Variants in CAST observed in about 807,000 individuals in gnomAD.
CAST encodes calpastatin.
In CAST, 76 loss-of-function variants were observed where a neutral mutation model predicts 119.6. The observed-to-expected ratio is 0.64, with a 90% CI of 0.53 to 0.77. The LOEUF (loss-of-function observed/expected upper bound fraction) is 0.77. Among genes scored for constraint, CAST ranks in the 30% least tolerant of loss-of-function variants. The probability of loss-of-function intolerance (pLI) is 0.00; values close to 1 mark genes in which losing one functional copy is unlikely to be tolerated. For synonymous variants in CAST, 319 were observed against 331.6 expected, an observed-to-expected ratio of 0.96 and a Z score of 0.41; for missense variants, 953 against 946.5, an observed-to-expected ratio of 1.01 and a Z score of -0.09.
At chr5:96,374,823 A>G in the CAST span, among the ~76,000 whole-genome samples, 1 of 152,054 alleles carries the variant, frequency 6.6e-6, no homozygotes, top group Non-Finnish European at 1.5e-5. Context: ...TGGTGGAAGA[A>G]AGGTTCCGGT....
the CAST span, among the ~76,000 whole-genome samples, chr5:95,963,460 TAA>T: frequency 6.6e-6 from 1 of 152,368 alleles, no homozygotes; most frequent in Admixed American, 6.5e-5. Context: ...TTCAATCCAC[TAA>T]GATTGGCTAG....
the CAST span, among the ~76,000 whole-genome samples, chr5:96,112,493 T>C: frequency 2.0e-5 from 3 of 152,234 alleles, no homozygotes; most frequent in African/African-American, 7.2e-5. Flanking sequence ...ATTTGACTTA[T>C]TTAAAGTTAC....
In CAST at chr5:96,762,551, A is replaced by G. The variant is rs1581367019; in HGVS notation, c.1932+179A>G. ...CGAGATGGCAGAGATTAACTTTGAAATGATTAAATGAAACTATATATGTGA... is the reference window on the plus strand; with the variant it reads ...CGAGATGGCAGAGATTAACTTTGAAGTGATTAAATGAAACTATATATGTGA... On this transcript the variant is annotated intron_variant, in intron 25 of 31. Coordinates refer to ENST00000675179, the MANE Select transcript of CAST (RefSeq NM_001750.7). 7.5e-5 allele frequency: 38 copies of G among 503,536 alleles called. No individual in the cohort carries two copies. In the South Asian group the frequency reaches 1.5e-3, roughly 20 times the overall value. 31.2% of individuals were successfully genotyped at this position (503,536 alleles called of 1,614,324 possible). A position where few individuals can be genotyped will look rare whatever the true frequency, so the allele number is the denominator to read the frequency against.
the CAST span, among the ~76,000 whole-genome samples, chr5:96,010,152 G>A: frequency 2.0e-5 from 3 of 152,062 alleles, no homozygotes; most frequent in African/African-American, 4.8e-5. Flanking sequence ...ATTGGTCTAT[G>A]TGTCTGTTTT....
chr5:96,334,585 C>T, the CAST span, among the ~76,000 whole-genome samples: 10 of 152,204 alleles, frequency 6.6e-5, no homozygotes, highest in Admixed American at 2.6e-4. Context: ...GTCACCCCCA[C>T]GGTCCTGTCA....
intron 1 of CAST, chr5:96,663,261 G>C: frequency 2.9e-6 from 2 of 701,116 alleles, no homozygotes; most frequent in South Asian, 3.0e-5. Context: ...CGGATGAAGC[G>C]TTGTCCGGGG....
chr5:96,456,062 C>T, the CAST span, among the ~76,000 whole-genome samples: 15 of 152,064 alleles, frequency 9.9e-5, no homozygotes, highest in African/African-American at 3.6e-4. Context: ...TAAACTTCCC[C>T]TCATTCTCGG....
At chr5:96,406,767 A>C in the CAST span, among the ~76,000 whole-genome samples, 1 of 152,242 alleles carries the variant, frequency 6.6e-6, no homozygotes, top group South Asian at 2.1e-4. Flanking sequence ...GAGAATATGT[A>C]ATTTATTCTA....
chr5:96,421,307 C>A, the CAST span, among the ~76,000 whole-genome samples: 1 of 152,156 alleles, frequency 6.6e-6, no homozygotes, highest in Non-Finnish European at 1.5e-5. Context: ...TTCCTATGGC[C>A]TTATAGCAGC....
chr5:96,412,807 G>T, the CAST span: 2 of 275,298 alleles, frequency 7.3e-6, no homozygotes, highest in Admixed American at 7.5e-5. Context: ...CCCAGCAAAA[G>T]CTCTGGGCAT....
At chr5:96,195,322 A>C in the CAST span, among the ~76,000 whole-genome samples, 1 of 152,160 alleles carries the variant, frequency 6.6e-6, no homozygotes, top group African/African-American at 2.4e-5. Flanking sequence ...GCTTAATAAG[A>C]CTTTGGAAGC....
the CAST span, among the ~76,000 whole-genome samples, chr5:96,402,782 G>A: frequency 6.6e-6 from 1 of 152,120 alleles, no homozygotes; most frequent in African/African-American, 2.4e-5. Context: ...CACCTGAGCT[G>A]AGCTCCCGAC....
chr5:96,514,111 C>T, the CAST span, among the ~76,000 whole-genome samples: 1 of 152,206 alleles, frequency 6.6e-6, no homozygotes, highest in African/African-American at 2.4e-5. Flanking sequence ...ATCTTAATAA[C>T]TACACCTGCA....
the CAST span, among the ~76,000 whole-genome samples, chr5:96,349,110 C>T: frequency 2.4e-5 from 3 of 126,824 alleles, no homozygotes; most frequent in Non-Finnish European, 5.0e-5. Flanking sequence ...GTCTCTCTCT[C>T]ATTTTTCTTT....
At chr5:96,108,501 C>A in the CAST span, among the ~76,000 whole-genome samples, 4 of 152,224 alleles carry the variant, frequency 2.6e-5, no homozygotes, top group Non-Finnish European at 4.4e-5. Flanking sequence ...TGTCAGTCTG[C>A]CCCTGCTGGG....
At chr5:96,241,700 T>C in the CAST span, among the ~76,000 whole-genome samples, 1 of 141,386 alleles carries the variant, frequency 7.1e-6, no homozygotes, top group African/African-American at 2.5e-5. Flanking sequence ...AGTGTTCCTA[T>C]TTCTCGACAT....
the CAST span, among the ~76,000 whole-genome samples, chr5:96,464,241 A>G: frequency 6.6e-6 from 1 of 152,136 alleles, no homozygotes; most frequent in East Asian, 1.9e-4. Context: ...CTTTTTAAAA[A>G]ACTTATCTTC....
chr5:96,645,283 C>A (rs1748000919), intron 1 of CAST, among the ~76,000 whole-genome samples: 1 of 152,062 alleles, frequency 6.6e-6, no homozygotes, highest in South Asian at 2.1e-4. Context: ...GCTAAAGCGG[C>A]CTTCTTGTCA....
At chr5:96,064,285 A>G in the CAST span, among the ~76,000 whole-genome samples, 1 of 152,132 alleles carries the variant, frequency 6.6e-6, no homozygotes, top group Non-Finnish European at 1.5e-5. Flanking sequence ...TACCCTCTAT[A>G]AGAGTGAAGG....
Sources: gnomAD v4.1 joint callset for allele counts (sites outside exome capture counted in the v4.1 genomes callset) on GRCh38, gnomAD v4.1.1 for gene constraint, MANE v1.5 for transcripts, NCBI Gene and HGNC (gene_info 2026-07-23, HGNC 2026-07-21) for gene names.